The following VEGFC variants were observed in gnomAD, a reference collection of about 807,000 sequenced individuals.
VEGFC encodes vascular endothelial growth factor C.
Under a neutral mutation model 46.1 loss-of-function variants are expected in VEGFC, and 12 were observed. That is an observed-to-expected ratio of 0.26 (90% confidence interval 0.17 to 0.42). VEGFC has a LOEUF of 0.42. VEGFC is among the 10% of genes least tolerant of loss of function. VEGFC has a pLI of 1.00. For synonymous variants in VEGFC, 232 were observed against 195.5 expected, an observed-to-expected ratio of 1.19 and a Z score of -1.56; for missense variants, 488 against 529.4, an observed-to-expected ratio of 0.92 and a Z score of 0.77.
At chr4:176,731,886 A>G (rs886895038) in intron 1 of VEGFC, among the ~76,000 whole-genome samples, 3 of 152,026 alleles carry the variant, frequency 2.0e-5, no homozygotes, top group African/African-American at 7.2e-5. Flanking sequence ...AATAACTATA[A>G]CAATATTTAT....
At chr4:176,736,882 T>G (rs941890488) in intron 1 of VEGFC, among the ~76,000 whole-genome samples, 5 of 151,486 alleles carry the variant, frequency 3.3e-5, no homozygotes, top group African/African-American at 1.2e-4. Context: ...AACTATAGAC[T>G]AAATATTTAT....
At chr4:176,728,835 A>T (rs1734914991) in intron 2 of VEGFC, among the ~76,000 whole-genome samples, 1 of 152,190 alleles carries the variant, frequency 6.6e-6, no homozygotes, top group Non-Finnish European at 1.5e-5. Flanking sequence ...CTACCAACTG[A>T]AGGCAAATAT....
chr4:176,780,853 C>T (rs927023036), intron 1 of VEGFC, among the ~76,000 whole-genome samples: 1 of 151,982 alleles, frequency 6.6e-6, no homozygotes, highest in East Asian at 1.9e-4. Context: ...CAACATGGCA[C>T]AAAAAATCAC....
At chr4:176,778,792 A>T (rs1735859390) in intron 1 of VEGFC, among the ~76,000 whole-genome samples, 2 of 152,184 alleles carry the variant, frequency 1.3e-5, no homozygotes, top group South Asian at 4.1e-4. Flanking sequence ...GTTTGCATGT[A>T]CAGGGACAAA....
At chr4:176,770,258 A>G (rs1735699879) in intron 1 of VEGFC, among the ~76,000 whole-genome samples, 1 of 152,204 alleles carries the variant, frequency 6.6e-6, no homozygotes. Flanking sequence ...AGTCAGTATT[A>G]TTGTTTAAAA....
chr4:176,694,711 T>G (rs1351484717), intron 4 of VEGFC, among the ~76,000 whole-genome samples: 1 of 145,746 alleles, frequency 6.9e-6, no homozygotes, highest in African/African-American at 2.7e-5. Flanking sequence ...TATTCCAAAA[T>G]TGACCACATA....
At chr4:176,703,011 G>A (rs1197468964) in intron 4 of VEGFC, among the ~76,000 whole-genome samples, 1 of 151,974 alleles carries the variant, frequency 6.6e-6, no homozygotes, top group Non-Finnish European at 1.5e-5. Flanking sequence ...ATATCTTCTG[G>A]TATGTTAATA....
At chr4:176,704,455 T>G (rs1004616907) in intron 4 of VEGFC, among the ~76,000 whole-genome samples, 1 of 152,172 alleles carries the variant, frequency 6.6e-6, no homozygotes, top group Non-Finnish European at 1.5e-5. Context: ...CTTTTGAATG[T>G]CATCCATACA....
intron 3 of VEGFC, among the ~76,000 whole-genome samples, chr4:176,715,816 G>A (rs1282178723): frequency 2.6e-5 from 4 of 152,012 alleles, no homozygotes; most frequent in African/African-American, 9.7e-5. Flanking sequence ...AACTTGCATG[G>A]CGCCCTCCCA....
rs1241309099 is a variant in VEGFC at position 176,780,400 on chromosome 4, C to A, written c.147+11765G>T. On this transcript the variant is annotated intron_variant, in intron 1 of 6. Coordinates refer to ENST00000618562, the MANE Select transcript of VEGFC (RefSeq NM_005429.5). ...CCATCTCAAAAAAAAAAAAAAAAAA[C>A]TCCTTCTAACCCATTCACTAAGCAC... Among the ~76,000 whole-genome samples the A allele has an allele frequency of 2.0e-3, 63 of 31,868 alleles. No individual in the cohort carries two copies. In the East Asian group the frequency reaches 0.091, roughly 46 times the overall value. The allele number at this position is 31,868 out of a possible 152,430, so 20.9% of individuals were successfully genotyped here. A position where few individuals can be genotyped will look rare whatever the true frequency, so the allele number is the denominator to read the frequency against.
At chr4:176,762,620 C>A (rs1323079169) in intron 1 of VEGFC, among the ~76,000 whole-genome samples, 2 of 152,172 alleles carry the variant, frequency 1.3e-5, no homozygotes, top group Admixed American at 1.3e-4. Context: ...CGGTAGAAGA[C>A]TCTTTCTGAA....
At chr4:176,731,903 T>TA (rs1017120560) in intron 1 of VEGFC, among the ~76,000 whole-genome samples, 13 of 151,848 alleles carry the variant, frequency 8.6e-5, no homozygotes, top group Non-Finnish European at 1.5e-4. Context: ...TTATATTTAT[T>TA]AAAAAAACAC....
chr4:176,706,623 C>A (rs1466425329), intron 4 of VEGFC, among the ~76,000 whole-genome samples: 3 of 46,276 alleles, frequency 6.5e-5, no homozygotes, highest in African/African-American at 9.2e-5. Flanking sequence ...GAGAATCTGT[C>A]TCAAAAAAAA....
At chr4:176,722,488 G>T (rs77558595) in intron 3 of VEGFC, among the ~76,000 whole-genome samples, 20 of 134,952 alleles carry the variant, frequency 1.5e-4, no homozygotes, top group East Asian at 4.2e-4. Flanking sequence ...TTTTTCTTTT[G>T]TTTTTTTTTT....
chr4:176,683,816 T>C lies in VEGFC; in HGVS notation c.*110A>G. 3 of 839,132 alleles carry C rather than the reference T, an allele frequency of 3.6e-6. No homozygotes were observed. In the South Asian group the frequency reaches 4.9e-5, roughly 14 times the overall value. The allele number at this position is 839,132 out of a possible 1,614,324, so 52.0% of individuals were successfully genotyped here. On this transcript the variant is annotated 3_prime_UTR_variant, in exon 7 of 7. Transcript: ENST00000618562. ...CACATGGTTCAGGAAAGACAGACTT[T>C]TGTCTTTGTTAGCATGGACCCACAA... is the stretch of plus-strand genomic sequence containing the variant.
At chr4:176,733,285 T>C (rs1482976845) in intron 1 of VEGFC, among the ~76,000 whole-genome samples, 2 of 151,978 alleles carry the variant, frequency 1.3e-5, no homozygotes, top group Admixed American at 6.6e-5. Context: ...CAAAAACTTA[T>C]GTTCACATAA....
intron 4 of VEGFC, among the ~76,000 whole-genome samples, chr4:176,705,373 C>A (rs929030097): frequency 6.6e-6 from 1 of 152,050 alleles, no homozygotes; most frequent in South Asian, 2.1e-4. Context: ...TGTGAGAACA[C>A]CAATATGAAA....
chr4:176,718,423 A>G (rs1579103790), intron 3 of VEGFC, among the ~76,000 whole-genome samples: 1 of 152,176 alleles, frequency 6.6e-6, no homozygotes, highest in African/African-American at 2.4e-5. Context: ...ACTTAGGTTT[A>G]AATATTTTTT....
intron 1 of VEGFC, among the ~76,000 whole-genome samples, chr4:176,780,943 C>T (rs912874706): frequency 6.6e-6 from 1 of 152,188 alleles, no homozygotes; most frequent in African/African-American, 2.4e-5. Context: ...AATAACTACA[C>T]TGTGCTCTCA....
Sources: allele counts gnomAD v4.1 joint callset (sites outside exome capture counted in the v4.1 genomes callset), GRCh38; gene constraint gnomAD v4.1.1; transcripts MANE v1.5; gene names NCBI Gene and HGNC (gene_info 2026-07-23, HGNC 2026-07-21).